The following DHRS7B variants were observed in gnomAD, a reference collection of about 807,000 sequenced individuals.
DHRS7B encodes the protein dehydrogenase/reductase 7B.
In DHRS7B, 24 loss-of-function variants were observed where a neutral mutation model predicts 26.4. The observed-to-expected ratio is 0.91, with a 90% CI of 0.66 to 1.28. DHRS7B has a LOEUF of 1.28. Among genes scored for constraint, DHRS7B ranks in the 50% most tolerant of loss-of-function variants. DHRS7B has a pLI of 0.00. For synonymous variants in DHRS7B, 142 were observed against 166.4 expected (o/e 0.85, Z 1.13); for missense variants, 368 against 419.4 (o/e 0.88, Z 1.07).
chr17:21,149,820 A>G (rs908195550), intron 1 of DHRS7B, among the ~76,000 whole-genome samples: 1 of 152,212 alleles, frequency 6.6e-6, no homozygotes, highest in African/African-American at 2.4e-5. Context: ...ACCAGAGAAA[A>G]TCACTTAACC....
intron 3 of DHRS7B, among the ~76,000 whole-genome samples, chr17:21,180,879 A>G (rs1318524415): frequency 2.6e-5 from 4 of 151,606 alleles, no homozygotes; most frequent in African/African-American, 7.3e-5. Flanking sequence ...CATCGAATCT[A>G]TTGGTCCCTT....
At chr17:21,168,167 T>C (rs1245261776) in intron 1 of DHRS7B, among the ~76,000 whole-genome samples, 2 of 152,194 alleles carry the variant, frequency 1.3e-5, no homozygotes, top group Non-Finnish European at 2.9e-5. Flanking sequence ...CCACATGCCC[T>C]GCATAGTGGA....
intron 1 of DHRS7B, among the ~76,000 whole-genome samples, chr17:21,170,258 A>G (rs989224242): frequency 1.3e-5 from 2 of 152,090 alleles, no homozygotes; most frequent in Non-Finnish European, 2.9e-5. Flanking sequence ...GGCAGCACCC[A>G]CAGAACCCTG....
intron 1 of DHRS7B, among the ~76,000 whole-genome samples, chr17:21,134,026 A>G (rs1044602704): frequency 2.5e-4 from 36 of 142,974 alleles, no homozygotes; most frequent in Admixed American, 2.0e-3. Context: ...GGAAAAATGG[A>G]AAAAAAAAAG....
At chr17:21,151,673 T>C (rs1973775675) in intron 1 of DHRS7B, among the ~76,000 whole-genome samples, 1 of 152,170 alleles carries the variant, frequency 6.6e-6, no homozygotes, top group South Asian at 2.1e-4. Context: ...GGAATCACAC[T>C]TACTGGAGCA....
At chr17:21,189,743 A>C (rs1474786944) in intron 6 of DHRS7B, among the ~76,000 whole-genome samples, 1 of 152,256 alleles carries the variant, frequency 6.6e-6, no homozygotes, top group African/African-American at 2.4e-5. Context: ...TACCTAGAAG[A>C]TACCACTTAA....
intron 1 of DHRS7B, among the ~76,000 whole-genome samples, chr17:21,144,624 C>G (rs1006648922): frequency 1.3e-4 from 20 of 151,940 alleles, no homozygotes; most frequent in African/African-American, 4.6e-4. Flanking sequence ...TCAAGACCAG[C>G]CTGGCCAACA....
intron 5 of DHRS7B, among the ~76,000 whole-genome samples, chr17:21,184,671 C>T (rs910991047): frequency 1.3e-5 from 2 of 152,134 alleles, no homozygotes; most frequent in Non-Finnish European, 2.9e-5. Flanking sequence ...GGGCAAGTAT[C>T]CCCACTTCTC....
chr17:21,183,600 A>G lies in DHRS7B; in HGVS notation c.316A>G (p.Thr106Ala). Residue 106 changes from threonine to alanine, a missense_variant, in exon 4 of 7, where the codon ACA becomes GCA. By Grantham distance (58) the Thr-to-Ala change is moderately conservative. Coordinates refer to ENST00000395511, the MANE Select transcript of DHRS7B (RefSeq NM_015510.5). ...LTASHATKVQ[T>A]HKPYLVTFDL... ...ATCTGTTGTATTTGACCAGGTGCAG[A>G]CACACAAGCCTTACTTGGTGACCTT... The G allele has an allele frequency of 6.2e-7, 1 of 1,612,868 alleles. No homozygotes were observed. The highest frequency in any genetic ancestry group is 8.5e-7 in the Non-Finnish European group (1 of 1,180,026).
intron 2 of DHRS7B, among the ~76,000 whole-genome samples, chr17:21,177,405 G>T (rs1974405721): frequency 6.6e-6 from 1 of 152,190 alleles, no homozygotes; most frequent in Non-Finnish European, 1.5e-5. Flanking sequence ...GCCACCAAAA[G>T]AATATAGAGC....
At chr17:21,176,712 C>CAA (rs1974386915) in intron 2 of DHRS7B, among the ~76,000 whole-genome samples, 1 of 151,746 alleles carries the variant, frequency 6.6e-6, no homozygotes, top group Non-Finnish European at 1.5e-5. Context: ...CATTCAATCT[C>CAA]ACGGTCACAC....
intron 1 of DHRS7B, among the ~76,000 whole-genome samples, chr17:21,155,019 A>G (rs1220661286): frequency 1.3e-5 from 2 of 152,258 alleles, no homozygotes; most frequent in East Asian, 1.9e-4. Context: ...ATAGAATCAT[A>G]TAAAATGCTC....
chr17:21,132,864 C>A (rs1973269242), intron 1 of DHRS7B, among the ~76,000 whole-genome samples: 1 of 152,174 alleles, frequency 6.6e-6, no homozygotes, highest in Non-Finnish European at 1.5e-5. Flanking sequence ...GTATTAGAAT[C>A]CTTCCTGTTT....
chr17:21,159,446 G>A (rs1973952863), intron 1 of DHRS7B, among the ~76,000 whole-genome samples: 1 of 151,406 alleles, frequency 6.6e-6, no homozygotes, highest in African/African-American at 2.4e-5. Flanking sequence ...TAGTAGAGAC[G>A]GGGTTTCACT....
chr17:21,181,870 A>AT (rs2144196228), intron 3 of DHRS7B, among the ~76,000 whole-genome samples: 1 of 41,442 alleles, frequency 2.4e-5, no homozygotes, highest in East Asian at 3.8e-4. Context: ...AATTTCCTAT[A>AT]TATAGAATCA....
At chr17:21,167,685 C>G (rs1047332890) in intron 1 of DHRS7B, among the ~76,000 whole-genome samples, 4 of 152,214 alleles carry the variant, frequency 2.6e-5, no homozygotes, top group African/African-American at 9.7e-5. Flanking sequence ...TAGACAGACT[C>G]TGTCCCTTCT....
At chr17:21,187,834 T>C (rs1290237445) in intron 5 of DHRS7B, among the ~76,000 whole-genome samples, 6 of 4,834 alleles carry the variant, frequency 1.2e-3, no homozygotes, top group East Asian at 0.011. Flanking sequence ...TTAACTTTTA[T>C]TTATTTATTT....
chr17:21,155,097 GAAA>G (rs1193122310), intron 1 of DHRS7B, among the ~76,000 whole-genome samples: 1 of 152,008 alleles, frequency 6.6e-6, no homozygotes, highest in East Asian at 1.9e-4. Flanking sequence ...GGTAACAAAT[GAAA>G]AAAAATTAAC....
chr17:21,189,515 G>T (rs1185174878), intron 6 of DHRS7B, among the ~76,000 whole-genome samples: 1 of 152,194 alleles, frequency 6.6e-6, no homozygotes, highest in African/African-American at 2.4e-5. Context: ...CACCCCTCCA[G>T]TGCTGTCCTG....
Sources: gnomAD v4.1 joint callset for allele counts (sites outside exome capture counted in the v4.1 genomes callset) on GRCh38, gnomAD v4.1.1 for gene constraint, MANE v1.5 for transcripts, NCBI Gene and HGNC (gene_info 2026-07-23, HGNC 2026-07-21) for gene names.